Variants in EDEM2 observed in about 807,000 individuals in gnomAD.
EDEM2 encodes the protein ER degradation enhancing alpha-mannosidase like protein 2.
Under a neutral mutation model 64.8 loss-of-function variants are expected in EDEM2, and 39 were observed. That is an observed-to-expected ratio of 0.60 (90% CI 0.47 to 0.79). The LOEUF (loss-of-function observed/expected upper bound fraction) is 0.79. Ranked by LOEUF, EDEM2 falls within the 30% of genes least tolerant of loss-of-function variation. The probability of loss-of-function intolerance (pLI) is 0.00; values close to 1 mark genes in which losing one functional copy is unlikely to be tolerated. For missense variants in EDEM2, 609 were observed against 731.3 expected, an observed-to-expected ratio of 0.83 and a Z score of 1.93; for synonymous variants, 296 against 291.5, an observed-to-expected ratio of 1.02 and a Z score of -0.16.
In EDEM2 at chr20:35,147,173, G is replaced by T. The variant is rs758088980; in HGVS notation, c.86C>A (p.Ala29Glu). The change falls in exon 1 of 11, where the codon GCG (alanine) becomes GAG (glutamate). Residue 29 changes from alanine to glutamate, a missense_variant. Ala to Glu is a moderately radical substitution (Grantham distance 107). Coordinates refer to ENST00000374492, the MANE Select transcript of EDEM2 (RefSeq NM_018217.3). ...TCACCTGTAGTGGGCGGGATCTGGC[G>T]CGGAGCCGTCGGGACCTGGCGCACC... ...HHGAPGPDGS[A>E]PDPAHYRERV... 1 of 1,602,758 alleles carries T rather than the reference G, an allele frequency of 6.2e-7. No individual in the cohort carries two copies. The highest frequency in any genetic ancestry group is 2.2e-5 in the East Asian group (1 of 44,606).
chr20:35,146,906 G>C lies in EDEM2; in HGVS notation c.137C>G (p.Ala46Gly), dbSNP rs1569184617. Reference protein sequence around the residue: ...RERVKAMFYHAYDSYLENAFP... With the variant: ...RERVKAMFYHGYDSYLENAFP... Reference sequence around the variant, plus strand: ...GGCATTCTCCAGGTAGCTGTCGTAGGCGTGGTAGAACATGGCCTTGACTCG... The same window carrying C: ...GGCATTCTCCAGGTAGCTGTCGTAGCCGTGGTAGAACATGGCCTTGACTCG... Residue 46 changes from alanine (A) to glycine (G), a missense_variant, in exon 2 of 11, where the codon GCC (alanine) becomes GGC (glycine). Coordinates refer to ENST00000374492, the MANE Select transcript of EDEM2 (RefSeq NM_018217.3). 6.2e-7 allele frequency: 1 copy of C among 1,614,108 alleles called. No homozygotes were observed. The highest frequency in any genetic ancestry group is 1.3e-5 in the African/African-American group (1 of 75,028).
chr20:35,141,171 T>C (rs2085649520), intron 4 of EDEM2, among the ~76,000 whole-genome samples: 1 of 145,846 alleles, frequency 6.9e-6, no homozygotes, highest in Admixed American at 6.8e-5. Flanking sequence ...AGCACAATAC[T>C]GTAGAAATGA....
chr20:35,135,234 T>C (rs1209018898), intron 5 of EDEM2, among the ~76,000 whole-genome samples: 1 of 152,220 alleles, frequency 6.6e-6, no homozygotes, highest in Non-Finnish European at 1.5e-5. Flanking sequence ...TAGAGAGCTT[T>C]ACCTATTTTT....
At chr20:35,120,593 C>CTT (rs5841194) in intron 9 of EDEM2, among the ~76,000 whole-genome samples, 229 of 95,010 alleles carry the variant, frequency 2.4e-3, no homozygotes, top group African/African-American at 3.3e-3. Flanking sequence ...TCGGCTTCTT[C>CTT]TTTTTTTTTT....
chr20:35,146,711 G>T, intron 2 of EDEM2, 114 bp downstream of exon 2: 1 of 1,142,114 alleles, frequency 8.8e-7, no homozygotes, highest in South Asian at 1.4e-5. Flanking sequence ...TAGCTCAGCT[G>T]GGAGCTTTCT....
At chr20:35,138,590 T>A (rs1438479050) in intron 4 of EDEM2, among the ~76,000 whole-genome samples, 2 of 151,820 alleles carry the variant, frequency 1.3e-5, no homozygotes, top group South Asian at 2.1e-4. Context: ...CTTTTTTTTT[T>A]TTTTTTTGAG....
rs144209865 is a variant in EDEM2, at chr20:35,142,424, C to T, written c.313G>A (p.Val105Met). The change falls in exon 4 of 11, where the codon GTG (valine) becomes ATG (methionine). Residue 105 changes from valine to methionine, a missense_variant. Physicochemically the swap from Val to Met is conservative, Grantham distance 21. Coordinates refer to ENST00000374492, the MANE Select transcript of EDEM2 (RefSeq NM_018217.3). ...GCGTTCACATCAATATCAAAGTCCA[C>T]GCTGTCCTGGAGCACTTCAACCACT... ...QRVVEVLQDS[V>M]DFDIDVNASV... 4.0e-5 allele frequency: 64 copies of T among 1,613,978 alleles called. No homozygotes were observed. Among genetic ancestry groups the T allele is most frequent in the Admixed American group, 5.0e-5 (3 of 60,000 alleles).
Position 35,115,787 on chromosome 20 carries a change from A to G in EDEM2, c.1383T>C (p.Tyr461=), listed in dbSNP as rs767724887. 54 of 1,613,928 alleles carry G rather than the reference A, an allele frequency of 3.3e-5. No individual in the cohort carries two copies. The highest frequency in any genetic ancestry group is 2.7e-4 in the East Asian group (12 of 44,878). ...CCCCAGCCCCCAGGATGCACTCCCCATAGGGGGTGATCACCGCGTCGAAGG... is the reference window on the plus strand; with the variant it reads ...CCCCAGCCCCCAGGATGCACTCCCCGTAGGGGGTGATCACCGCGTCGAAGG... ...GSTFDAVITP[Y]GECILGAGGY... The change falls in exon 11 of 11, where the codon TAT becomes TAC. Residue 461 remains tyrosine (Y), a synonymous_variant. Transcript: ENST00000374492.
intron 4 of EDEM2, among the ~76,000 whole-genome samples, chr20:35,138,465 T>C (rs1397587105): frequency 6.6e-6 from 1 of 152,174 alleles, no homozygotes; most frequent in Non-Finnish European, 1.5e-5. Flanking sequence ...CTCATTCCAT[T>C]TGTCACTCTG....
intron 4 of EDEM2, 51 bp downstream of exon 4, chr20:35,142,322 G>A (rs1445318164): frequency 2.1e-6 from 3 of 1,462,082 alleles, no homozygotes; most frequent in Non-Finnish European, 9.5e-7. Context: ...GGTTTACAGA[G>A]GCAACTTCAC....
At chr20:35,135,451 G>A (rs951854190) in intron 5 of EDEM2, among the ~76,000 whole-genome samples, 62 of 152,162 alleles carry the variant, frequency 4.1e-4, no homozygotes, top group African/African-American at 1.3e-3. Flanking sequence ...AGGAGTTCGA[G>A]ACCAGCCTGG....
In EDEM2 at chr20:35,123,965, C is replaced by T; in HGVS notation, c.1039G>A (p.Gly347Arg). 1 of 1,614,216 alleles carries T rather than the reference C, an allele frequency of 6.2e-7. No individual in the cohort carries two copies. The highest frequency in any genetic ancestry group is 8.5e-7 in the Non-Finnish European group (1 of 1,180,046). ...ATGTTGTAGAATTCCGGGAGCCCCC[C>T]AAACTGCTTCCATACAGTGTAGTAG... ...LNYYTVWKQF[G>R]GLPEFYNIPQ... is the part of the protein sequence containing the mutation. Residue 347 changes from glycine (G) to arginine (R), a missense_variant, in exon 9 of 11, where the codon GGG becomes AGG. Gly to Arg is a moderately radical substitution (Grantham distance 125). Transcript: ENST00000374492.
At position 35,115,434 on chromosome 20, in the gene EDEM2, T is replaced by C. The variant is rs1252754474; in HGVS notation, c.1736A>G (p.Ter579=). ...LLGQVFLDSS[*] is the part of the protein sequence containing the mutation. ...AAAAATAAAAAAATTATCCAGTGGTTATGAGGAGTCTAGGAAAACCTGTCC... is the reference window on the plus strand; with the variant it reads ...AAAAATAAAAAAATTATCCAGTGGTCATGAGGAGTCTAGGAAAACCTGTCC... Residue 579 remains the stop codon, a stop_retained_variant, in exon 11 of 11, where the codon TAA becomes TGA. Transcript: ENST00000374492. The C allele has an allele frequency of 2.5e-6, 4 of 1,613,174 alleles. No homozygotes were observed. Among genetic ancestry groups the C allele is most frequent in the African/African-American group, 2.7e-5 (2 of 74,880 alleles).
At chr20:35,131,813 C>A (rs760031914) in intron 6 of EDEM2, 30 bp from the exon 7 acceptor site, 6 of 1,604,780 alleles carry the variant, frequency 3.7e-6, no homozygotes, top group South Asian at 1.1e-5. Context: ...ACGGTCCCAA[C>A]GGGAAGGCCG....
chr20:35,137,151 C>A (rs1025602909), intron 5 of EDEM2, among the ~76,000 whole-genome samples: 8 of 152,276 alleles, frequency 5.3e-5, no homozygotes, highest in Admixed American at 4.6e-4. Context: ...GACACAGTGG[C>A]TCATGCCTGT....
Position 35,142,396 on chromosome 20 carries a change from G to C in EDEM2, c.341C>G (p.Ser114Cys), listed in dbSNP as rs1231855614. Reference protein sequence around the residue: ...SVDFDIDVNASVFETNIRVVG... With the variant: ...SVDFDIDVNACVFETNIRVVG... ...ACCTCGAATGTTTGTTTCAAACACA[G>C]AGGCGTTCACATCAATATCAAAGTC... The change falls in exon 4 of 11, where the codon TCT becomes TGT. Residue 114 changes from serine (S) to cysteine (C), a missense_variant. By Grantham distance (112) the Ser-to-Cys change is moderately radical (BLOSUM62 -1). Transcript: ENST00000374492. 4.3e-6 allele frequency: 7 copies of C among 1,613,784 alleles called. No homozygotes were observed. In the African/African-American group the frequency reaches 9.3e-5, roughly 22 times the overall value.
In EDEM2 at chr20:35,147,125, ACTGCGAAAGGGCGG is replaced by A. The variant is rs1329438039; in HGVS notation, c.107+13_107+26del. On this transcript the variant is annotated intron_variant, in intron 1 of 10. Coordinates refer to ENST00000374492, the MANE Select transcript of EDEM2 (RefSeq NM_018217.3). ...CCGGGTTCACGCTTCCCATTCCCCA[ACTGCGAAAGGGCGG>A]GTCACAGTTCACCTGTAGTGGGCGG... is the stretch of plus-strand genomic sequence containing the variant. The A allele has an allele frequency of 2.4e-5, 39 of 1,594,110 alleles. 1 individual carries two copies. The Middle Eastern group carries it at 6.7e-4, about 27-fold the overall frequency.
At chr20:35,142,701 T>C (rs1025348773) in intron 3 of EDEM2, among the ~76,000 whole-genome samples, 1 of 151,854 alleles carries the variant, frequency 6.6e-6, no homozygotes. Context: ...CAATTAAGAG[T>C]CACGATGTTG....
chr20:35,141,849 T>C (rs910956175), intron 4 of EDEM2, among the ~76,000 whole-genome samples: 1 of 152,218 alleles, frequency 6.6e-6, no homozygotes, highest in Non-Finnish European at 1.5e-5. Flanking sequence ...ATTTGCACTG[T>C]CCAATACAAT....
Sources: allele counts gnomAD v4.1 joint callset (sites outside exome capture counted in the v4.1 genomes callset), GRCh38; gene constraint gnomAD v4.1.1; transcripts MANE v1.5; gene names NCBI Gene and HGNC (gene_info 2026-07-23, HGNC 2026-07-21).